Variants in IL3RA observed in about 807,000 individuals in gnomAD.
IL3RA encodes the protein interleukin-3 receptor subunit alpha.
Under a neutral mutation model 52.3 loss-of-function variants are expected in IL3RA, and 73 were observed. That is an observed-to-expected ratio of 1.40 (90% CI 1.16 to 1.70). IL3RA has a LOEUF of 1.70. IL3RA is among the 40% of genes most tolerant of loss of function. The pLI is 0.00. For synonymous variants in IL3RA, 260 were observed against 194.0 expected, an observed-to-expected ratio of 1.34 and a Z score of -2.83; for missense variants, 664 against 504.4, an observed-to-expected ratio of 1.32 and a Z score of -3.03.
intron 1 of IL3RA, among the ~76,000 whole-genome samples, chrX:1,340,945 C>T (rs1182696931): frequency 2.0e-5 from 3 of 152,074 alleles, no homozygotes; most frequent in South Asian, 2.1e-4. Context: ...GGTGAAACCC[C>T]GTCTCTGCTA....
intron 7 of IL3RA, among the ~76,000 whole-genome samples, chrX:1,357,941 A>G (rs1426926883): frequency 2.7e-5 from 4 of 150,738 alleles, no homozygotes; most frequent in Non-Finnish European, 5.9e-5. Context: ...TCTCTACTAA[A>G]AATACAAAAA....
intron 9 of IL3RA, among the ~76,000 whole-genome samples, chrX:1,366,161 C>A (rs865779308): frequency 8.8e-5 from 1 of 11,342 alleles, no homozygotes; most frequent in Non-Finnish European, 1.3e-4. Context: ...GCGCGGGGTG[C>A]GCGGGGTGAG....
chrX:1,338,957 G>T (rs190058442), intron 1 of IL3RA, among the ~76,000 whole-genome samples: 1 of 151,946 alleles, frequency 6.6e-6, no homozygotes, highest in African/African-American at 2.4e-5. Flanking sequence ...CCGCAACTAC[G>T]CCTGGCTAAT....
rs1288636199 is a variant in IL3RA, at chrX:1,382,605, G to C, written c.*140G>C. The stretch of plus-strand genomic sequence containing the variant: ...GGTGGTGGGCATGGGAGATGCCTGT[G>C]TAATTTCGTCCGAAGCTGCCAGGAA... On this transcript the variant is annotated 3_prime_UTR_variant, in exon 12 of 12. Transcript: ENST00000331035. 4 of 746,726 alleles carry C rather than the reference G, an allele frequency of 5.4e-6. No homozygotes were observed. Among genetic ancestry groups the C allele is most frequent in the Non-Finnish European group, 9.5e-6 (4 of 421,750 alleles). 46.3% of individuals were successfully genotyped at this position (746,726 alleles called of 1,614,324 possible). A position where few individuals can be genotyped will look rare whatever the true frequency, so the allele number is the denominator to read the frequency against.
intron 6 of IL3RA, among the ~76,000 whole-genome samples, chrX:1,353,164 C>T (rs1331405726): frequency 5.4e-5 from 8 of 146,874 alleles, no homozygotes; most frequent in Admixed American, 2.0e-4. Flanking sequence ...GATCCCTCAT[C>T]GTGGGTTCCA....
intron 3 of IL3RA, among the ~76,000 whole-genome samples, chrX:1,347,524 C>G (rs1210711075): frequency 6.6e-6 from 1 of 150,488 alleles, no homozygotes; most frequent in African/African-American, 2.5e-5. Flanking sequence ...GGTGGTGAGG[C>G]AGGAGAATTG....
chrX:1,344,026 C>G (rs149843769), intron 2 of IL3RA, among the ~76,000 whole-genome samples: 53 of 152,078 alleles, frequency 3.5e-4, no homozygotes, highest in African/African-American at 1.2e-3. Flanking sequence ...GATCACTTGA[C>G]CTGGTGATCC....
At chrX:1,356,720 C>G (rs779015290) in intron 7 of IL3RA, among the ~76,000 whole-genome samples, 21 of 150,334 alleles carry the variant, frequency 1.4e-4, no homozygotes, top group Non-Finnish European at 2.5e-4. Context: ...TGCAGTGAGC[C>G]GAGATCGCGC....
At chrX:1,344,917 C>G (rs1272491425) in intron 2 of IL3RA, among the ~76,000 whole-genome samples, 1 of 150,178 alleles carries the variant, frequency 6.7e-6, no homozygotes, top group Non-Finnish European at 1.5e-5. Context: ...AATCCCAGCA[C>G]TTTGGGAGGC....
chrX:1,362,397 GT>G lies in IL3RA; in HGVS notation c.760-2736del, dbSNP rs1411030311. On this transcript the variant is annotated intron_variant, in intron 8 of 11. Coordinates refer to ENST00000331035, the MANE Select transcript of IL3RA (RefSeq NM_002183.4). ...TGTCTCTTTGTCTCTGTCTGTTTCT[GT>G]TTTTCTTTCTTTTTCCCTCTGTCTC... 4.8e-5 allele frequency among the ~76,000 whole-genome samples: 7 copies of G among 144,840 alleles called. No individual in the cohort carries two copies. The East Asian group carries it at 1.5e-3, about 30-fold the overall frequency.
At chrX:1,367,925 G>A (rs1205538098) in intron 9 of IL3RA, among the ~76,000 whole-genome samples, 2 of 151,926 alleles carry the variant, frequency 1.3e-5, no homozygotes, top group African/African-American at 4.8e-5. Flanking sequence ...CCCTGAACCC[G>A]ACGGTGAACT....
At chrX:1,347,898 G>A (rs1193722344) in intron 3 of IL3RA, among the ~76,000 whole-genome samples, 16 of 151,398 alleles carry the variant, frequency 1.1e-4, no homozygotes, top group South Asian at 8.3e-4. Context: ...TTAGCCGGGC[G>A]TGGTGGCGGG....
rs200259693 is a variant in IL3RA, at chrX:1,381,095, C to T, written c.1053C>T (p.Asn351=). Residue 351 remains asparagine (N), a synonymous_variant, in exon 11 of 12, where the codon AAC becomes AAT. Transcript: ENST00000331035. The part of the protein sequence containing the change: ...MKDPIGDSFQ[N]DKLVVWEAGK... ...ACCCCATCGGTGACAGCTTCCAAAA[C>T]GACAAGCTGGTATGTTGTTTTTTCT... 8.4e-5 allele frequency: 135 copies of T among 1,613,846 alleles called. No homozygotes were observed. The highest frequency in any genetic ancestry group is 9.6e-5 in the Non-Finnish European group (113 of 1,179,804).
Position 1,376,679 on chromosome X carries a change from C to T in IL3RA, c.875-1980C>T, listed in dbSNP as rs766735387. On this transcript the variant is annotated intron_variant, in intron 9 of 11. Transcript: ENST00000331035. The stretch of plus-strand genomic sequence containing the variant: ...GTCTCCAAGCCCAGGAGAGAGGCCT[C>T]AGGAGGAACCAGCCCTGCCCACACC... Among the ~76,000 whole-genome samples the T allele has an allele frequency of 4.1e-5, 6 of 147,050 alleles. No individual in the cohort carries two copies. In the South Asian group the frequency reaches 1.3e-3, roughly 32 times the overall value.
intron 8 of IL3RA, among the ~76,000 whole-genome samples, chrX:1,363,610 C>T (rs2087660242): frequency 6.6e-6 from 1 of 151,198 alleles, no homozygotes; most frequent in Admixed American, 6.6e-5. Context: ...CATAAGGCCC[C>T]ACTGTAAGGA....
Position 1,368,401 on chromosome X carries a change from A to G in IL3RA, c.874+3149A>G, listed in dbSNP as rs2088346125. ...GGAGTTCGAGACCAGCCTGACCAAC[A>G]TGGAAAAACCCTGTCTCTACTAAAA... On this transcript the variant is annotated intron_variant, in intron 9 of 11. Coordinates refer to ENST00000331035, the MANE Select transcript of IL3RA (RefSeq NM_002183.4). Among the ~76,000 whole-genome samples, 10 of 151,944 alleles carry G rather than the reference A, an allele frequency of 6.6e-5. No homozygotes were observed. In the South Asian group the frequency reaches 2.1e-3, roughly 31 times the overall value.
intron 2 of IL3RA, among the ~76,000 whole-genome samples, chrX:1,344,548 A>G (rs1316504636): frequency 2.0e-5 from 3 of 151,468 alleles, no homozygotes; most frequent in Non-Finnish European, 2.9e-5. Flanking sequence ...GCCGAGGCGG[A>G]CAGATCACGA....
chrX:1,351,777 C>G lies in IL3RA; in HGVS notation c.299-323C>G, dbSNP rs755287857. Among the ~76,000 whole-genome samples the G allele has an allele frequency of 2.0e-5, 3 of 150,760 alleles. No individual in the cohort carries two copies. The East Asian group carries it at 5.8e-4, about 29-fold the overall frequency. ...CCGAGTAGCTGGGATTACAGCGGCCCGACATCACACCTGGCTAATTTTTTA... is the reference window on the plus strand; with the variant it reads ...CCGAGTAGCTGGGATTACAGCGGCCGGACATCACACCTGGCTAATTTTTTA... On this transcript the variant is annotated intron_variant, in intron 4 of 11. Transcript: ENST00000331035.
chrX:1,367,123 G>A (rs2088140318), intron 9 of IL3RA, among the ~76,000 whole-genome samples: 1 of 24,136 alleles, frequency 4.1e-5, no homozygotes, highest in Non-Finnish European at 6.4e-5. Flanking sequence ...AGCGGGGTGC[G>A]CGGGGTGAGC....
Sources: allele counts gnomAD v4.1 joint callset (sites outside exome capture counted in the v4.1 genomes callset), GRCh38; gene constraint gnomAD v4.1.1; transcripts MANE v1.5; gene names NCBI Gene and HGNC (gene_info 2026-07-23, HGNC 2026-07-21).